The following NDC1 variants were observed in gnomAD, a reference collection of about 807,000 sequenced individuals.
NDC1 encodes NDC1 transmembrane nucleoporin, also known as nucleoporin NDC1.
NDC1 carries 24 observed loss-of-function variants against 89.8 expected under a neutral mutation model. The observed-to-expected ratio is 0.27, with a 90% confidence interval of 0.19 to 0.38. The LOEUF (loss-of-function observed/expected upper bound fraction) is 0.38. Among genes scored for constraint, NDC1 ranks in the 10% least tolerant of loss-of-function variants. The pLI is 1.00. For missense variants in NDC1, 728 were observed against 797.6 expected, an observed-to-expected ratio of 0.91 and a Z score of 1.05; for synonymous variants, 296 against 284.8, an observed-to-expected ratio of 1.04 and a Z score of -0.39.
intron 5 of NDC1, among the ~76,000 whole-genome samples, chr1:53,824,006 G>A (rs1316529920): frequency 6.6e-6 from 1 of 151,860 alleles, no homozygotes; most frequent in Non-Finnish European, 1.5e-5. Context: ...TGTATTCTGA[G>A]GTGGGTATAT....
At chr1:53,785,186 A>G (rs937559718) in intron 16 of NDC1, among the ~76,000 whole-genome samples, 8 of 152,190 alleles carry the variant, frequency 5.3e-5, no homozygotes, top group Non-Finnish European at 1.0e-4. Context: ...TAAAGATCAA[A>G]TAATAATGAT....
intron 14 of NDC1, 64 bp downstream of exon 14, chr1:53,793,165 C>T: frequency 7.4e-7 from 1 of 1,343,156 alleles, no homozygotes; most frequent in Non-Finnish European, 1.1e-6. Flanking sequence ...ATCCTATCTG[C>T]TACTTTATTT....
At chr1:53,824,103 G>A (rs1362059357) in intron 5 of NDC1, among the ~76,000 whole-genome samples, 1 of 151,828 alleles carries the variant, frequency 6.6e-6, no homozygotes, top group Non-Finnish European at 1.5e-5. Context: ...GCTTGGTGGT[G>A]CATGCCAGTA....
chr1:53,812,023 C>G (rs192553249), intron 6 of NDC1, among the ~76,000 whole-genome samples: 247 of 152,228 alleles, frequency 1.6e-3, no homozygotes, highest in African/African-American at 5.9e-3. Flanking sequence ...CACTGCAGTT[C>G]GGCTCACAGG....
At chr1:53,809,769 T>A (rs755110681) in intron 6 of NDC1, 23 bp from the exon 7 acceptor site, 1 of 1,602,014 alleles carries the variant, frequency 6.2e-7, no homozygotes, top group Non-Finnish European at 8.5e-7. Context: ...AATACCAAGC[T>A]ATGAACATAA....
chr1:53,802,869 T>G (rs750974248), intron 10 of NDC1, among the ~76,000 whole-genome samples: 3 of 152,130 alleles, frequency 2.0e-5, no homozygotes, highest in Non-Finnish European at 2.9e-5. Flanking sequence ...TCTAGTTTCT[T>G]CCTAATTTTT....
intron 16 of NDC1, among the ~76,000 whole-genome samples, chr1:53,784,549 T>C (rs1341136535): frequency 1.3e-5 from 2 of 152,138 alleles, no homozygotes; most frequent in Non-Finnish European, 2.9e-5. Context: ...TCCCAGCACT[T>C]TGGGAGGCCG....
intron 16 of NDC1, among the ~76,000 whole-genome samples, chr1:53,774,130 A>G (rs527689476): frequency 6.6e-6 from 1 of 152,318 alleles, no homozygotes; most frequent in African/African-American, 2.4e-5. Context: ...GTATTATAAA[A>G]TACCTTTCCT....
At chr1:53,783,287 G>A (rs578160434) in intron 16 of NDC1, among the ~76,000 whole-genome samples, 170 of 151,632 alleles carry the variant, frequency 1.1e-3, no homozygotes, top group African/African-American at 4.0e-3. Flanking sequence ...AGGATGTAGA[G>A]TGGAAAAAAA....
intron 9 of NDC1, 56 bp from the exon 10 acceptor site, chr1:53,804,065 C>G (rs1159538509): frequency 2.4e-6 from 3 of 1,256,234 alleles, no homozygotes; most frequent in Non-Finnish European, 3.5e-6. Context: ...TACATAAAAT[C>G]TCACTAATTG....
chr1:53,835,240 C>T (rs996574153), intron 2 of NDC1, among the ~76,000 whole-genome samples: 2 of 152,088 alleles, frequency 1.3e-5, no homozygotes, highest in African/African-American at 4.8e-5. Flanking sequence ...ACAAATGAAA[C>T]TAAGTTTTCA....
chr1:53,807,909 C>G, intron 7 of NDC1, 118 bp from the exon 8 acceptor site: 1 of 909,154 alleles, frequency 1.1e-6, no homozygotes, highest in Non-Finnish European at 1.7e-6. Context: ...TTGACAGACT[C>G]CTCTCCTTCG....
chr1:53,803,837 C>T, intron 10 of NDC1, 91 bp downstream of exon 10: 1 of 954,984 alleles, frequency 1.0e-6, no homozygotes, highest in Non-Finnish European at 1.7e-6. Flanking sequence ...TCCCAAAGTG[C>T]TGGGATTACA....
chr1:53,818,498 C>T (rs1648553843), intron 6 of NDC1, among the ~76,000 whole-genome samples: 2 of 152,010 alleles, frequency 1.3e-5, no homozygotes, highest in South Asian at 4.1e-4. Context: ...TAACTATATG[C>T]ACATTTTTGT....
intron 7 of NDC1, among the ~76,000 whole-genome samples, chr1:53,808,495 T>C (rs971097830): frequency 6.6e-6 from 1 of 152,218 alleles, no homozygotes; most frequent in Admixed American, 6.5e-5. Context: ...CCTATTACAA[T>C]TTTTAAAACA....
intron 17 of NDC1, among the ~76,000 whole-genome samples, chr1:53,768,630 T>G (rs886569580): frequency 6.6e-6 from 1 of 152,232 alleles, no homozygotes; most frequent in African/African-American, 2.4e-5. Flanking sequence ...GAAACTAGTA[T>G]AATACTTCCT....
In NDC1 at chr1:53,807,899, T is replaced by C. The variant is rs937003653; in HGVS notation, c.756-108A>G. 6 of 991,024 alleles carry C rather than the reference T, an allele frequency of 6.1e-6. No individual in the cohort carries two copies. The African/African-American group carries it at 8.3e-5, about 14-fold the overall frequency. 61.4% of individuals were successfully genotyped at this position (991,024 alleles called of 1,614,324 possible). A position where few individuals can be genotyped will look rare whatever the true frequency, so the allele number is the denominator to read the frequency against. Reference sequence around the variant, plus strand: ...CAAATATTATGTCTAAATAACAATGTTGACAGACTCCTCTCCTTCGATATC... The same window carrying C: ...CAAATATTATGTCTAAATAACAATGCTGACAGACTCCTCTCCTTCGATATC... On this transcript the variant is annotated intron_variant, in intron 7 of 17. Coordinates refer to ENST00000371429, the MANE Select transcript of NDC1 (RefSeq NM_018087.5).
At chr1:53,780,527 T>C (rs1484593591) in intron 16 of NDC1, among the ~76,000 whole-genome samples, 1 of 152,172 alleles carries the variant, frequency 6.6e-6, no homozygotes, top group Non-Finnish European at 1.5e-5. Flanking sequence ...TGCTTGATAA[T>C]TAAATAGTTA....
intron 6 of NDC1, among the ~76,000 whole-genome samples, chr1:53,812,342 A>G (rs1485174887): frequency 2.0e-5 from 3 of 152,264 alleles, no homozygotes; most frequent in Non-Finnish European, 4.4e-5. Context: ...GCGAAGCCCA[A>G]TGCAAGGAAA....
Sources: gnomAD v4.1 joint callset for allele counts (sites outside exome capture counted in the v4.1 genomes callset) on GRCh38, gnomAD v4.1.1 for gene constraint, MANE v1.5 for transcripts, NCBI Gene and HGNC (gene_info 2026-07-23, HGNC 2026-07-21) for gene names.